Variants in COBLL1 observed in about 807,000 individuals in gnomAD.
The protein encoded by COBLL1 is cordon-bleu WH2 repeat protein like 1.
COBLL1 carries 50 observed loss-of-function variants against 94.8 expected under a neutral mutation model. The observed-to-expected ratio is 0.53, with a 90% confidence interval of 0.42 to 0.67. The LOEUF is 0.67. COBLL1 is among the 30% of genes least tolerant of loss of function. The pLI is 0.00. For synonymous variants in COBLL1, 448 were observed against 473.8 expected, an observed-to-expected ratio of 0.95 and a Z score of 0.71; for missense variants, 1,362 against 1,348.7, an observed-to-expected ratio of 1.01 and a Z score of -0.15.
At chr2:164,719,866 G>T (rs776339403) in intron 7 of COBLL1, among the ~76,000 whole-genome samples, 1 of 151,554 alleles carries the variant, frequency 6.6e-6, no homozygotes, top group Non-Finnish European at 1.5e-5. Flanking sequence ...AATAAGTGCA[G>T]AAATATAGAC....
chr2:164,776,086 C>G (rs925019995), intron 2 of COBLL1, among the ~76,000 whole-genome samples: 1 of 150,676 alleles, frequency 6.6e-6, no homozygotes. Context: ...TTCAACAAAC[C>G]CCCCCAGTCC....
chr2:164,659,557 G>A (rs1173062029), intron 2 of COBLL1, among the ~76,000 whole-genome samples: 2 of 152,098 alleles, frequency 1.3e-5, no homozygotes, highest in Admixed American at 6.6e-5. Flanking sequence ...TGAGTATGCC[G>A]TTCACATCAT....
downstream of COBLL1, among the ~76,000 whole-genome samples, chr2:164,679,939 A>AAATAAT (rs535463767): frequency 4.9e-4 from 74 of 150,292 alleles, no homozygotes; most frequent in African/African-American, 1.2e-3. Context: ...ATATAAATAT[A>AAATAAT]AATAATAATA....
chr2:164,805,337 C>CTCTCTATA (rs758137553), intron 2 of COBLL1, among the ~76,000 whole-genome samples: 34 of 17,032 alleles, frequency 2.0e-3, no homozygotes, highest in Non-Finnish European at 2.8e-3. Flanking sequence ...CTCTCTCTCT[C>CTCTCTATA]TATATATATA....
chr2:164,737,435 G>A (rs948774410), intron 3 of COBLL1, among the ~76,000 whole-genome samples: 12 of 152,094 alleles, frequency 7.9e-5, no homozygotes, highest in Middle Eastern at 3.4e-3. Flanking sequence ...AAATAGTACC[G>A]ATTAAAAACT....
chr2:164,798,234 C>T (rs1431581646), intron 2 of COBLL1, among the ~76,000 whole-genome samples: 1 of 152,198 alleles, frequency 6.6e-6, no homozygotes, highest in Non-Finnish European at 1.5e-5. Flanking sequence ...AAAATATCTG[C>T]CTTCACATCT....
intron 1 of COBLL1, among the ~76,000 whole-genome samples, chr2:164,672,389 T>C (rs1351191269): frequency 6.6e-6 from 1 of 152,200 alleles, no homozygotes; most frequent in African/African-American, 2.4e-5. Flanking sequence ...GAGGGTTTTT[T>C]TCTTCTTCCC....
intron 2 of COBLL1, among the ~76,000 whole-genome samples, chr2:164,803,586 TA>T (rs1239833093): frequency 1.6e-4 from 18 of 115,862 alleles, no homozygotes; most frequent in African/African-American, 5.5e-4. Flanking sequence ...AATAAATAAA[TA>T]AAATAAAATA....
At chr2:164,826,910 TTC>T (rs1559053972) in intron 2 of COBLL1, among the ~76,000 whole-genome samples, 2 of 151,942 alleles carry the variant, frequency 1.3e-5, no homozygotes, top group Admixed American at 6.5e-5. Flanking sequence ...TTTTTTTTGT[TTC>T]TCTCTCTTTT....
rs181619387 is a variant in COBLL1, at chr2:164,792,508, A to G, written c.42-48633T>C. On this transcript the variant is annotated intron_variant, in intron 2 of 13. Coordinates refer to ENST00000652658, the MANE Select transcript of COBLL1 (RefSeq NM_001365672.2). ...CCTTTTCACAATAGGATCATGACTA[A>G]GAAATAACTCAAGTTCAAAAGACGT... Among the ~76,000 whole-genome samples the G allele has an allele frequency of 9.9e-5, 15 of 152,266 alleles. No homozygotes were observed. The East Asian group carries it at 2.9e-3, about 29-fold the overall frequency.
intron 2 of COBLL1, among the ~76,000 whole-genome samples, chr2:164,751,606 G>C (rs1393482181): frequency 6.6e-6 from 1 of 152,002 alleles, no homozygotes; most frequent in Non-Finnish European, 1.5e-5. Context: ...CCATTTAGCT[G>C]GGGTTTACAG....
chr2:164,781,535 C>A (rs541745164), intron 2 of COBLL1, among the ~76,000 whole-genome samples: 4 of 152,174 alleles, frequency 2.6e-5, no homozygotes, highest in African/African-American at 9.7e-5. Context: ...TCCCCTTTCT[C>A]ACAATCCACA....
chr2:164,701,426 C>T (rs1684250597), intron 9 of COBLL1, among the ~76,000 whole-genome samples: 1 of 152,168 alleles, frequency 6.6e-6, no homozygotes, highest in Admixed American at 6.5e-5. Flanking sequence ...TTATTCCTAA[C>T]CAGTTTGATT....
intron 12 of COBLL1, among the ~76,000 whole-genome samples, chr2:164,693,634 G>T (rs1683736204): frequency 6.6e-6 from 1 of 152,038 alleles, no homozygotes; most frequent in Non-Finnish European, 1.5e-5. Context: ...AAATATTTAA[G>T]GTTAGATAGT....
intron 2 of COBLL1, among the ~76,000 whole-genome samples, chr2:164,815,159 G>A (rs1684660667): frequency 6.6e-6 from 1 of 151,990 alleles, no homozygotes; most frequent in African/African-American, 2.4e-5. Flanking sequence ...CAGCATTCTG[G>A]GAGGCCGAGG....
intron 2 of COBLL1, among the ~76,000 whole-genome samples, chr2:164,782,932 T>C (rs544735247): frequency 6.6e-6 from 1 of 152,354 alleles, no homozygotes; most frequent in South Asian, 2.1e-4. Flanking sequence ...ATGGTTATAC[T>C]TAAAATGTTA....
rs761113566 is a variant in COBLL1, at chr2:164,741,295, T to C, written c.230+2392A>G. ...TCTCAAAAAACAAACAAAAAAAAGA[T>C]ACACAAAGGAAGGAGAGTGGTGGTG... On this transcript the variant is annotated intron_variant, in intron 3 of 13. Transcript: ENST00000652658. Among the ~76,000 whole-genome samples, 26 of 151,534 alleles carry C rather than the reference T, an allele frequency of 1.7e-4. No homozygotes were observed. The Middle Eastern group carries it at 0.01, about 59-fold the overall frequency.
chr2:164,719,958 G>A (rs1020472930), intron 7 of COBLL1, among the ~76,000 whole-genome samples: 2 of 152,056 alleles, frequency 1.3e-5, no homozygotes, highest in African/African-American at 2.4e-5. Context: ...GAAGAGGGCT[G>A]AGATATAAGA....
intron 7 of COBLL1, among the ~76,000 whole-genome samples, chr2:164,708,047 C>T (rs1660971945): frequency 6.6e-6 from 1 of 152,172 alleles, no homozygotes; most frequent in Admixed American, 6.5e-5. Context: ...ACATTTAGGT[C>T]TACAGTGGCA....
Sources: allele counts gnomAD v4.1 joint callset (sites outside exome capture counted in the v4.1 genomes callset), GRCh38; gene constraint gnomAD v4.1.1; transcripts MANE v1.5; gene names NCBI Gene and HGNC (gene_info 2026-07-23, HGNC 2026-07-21).